Variants in CSMD1 observed in about 807,000 individuals in gnomAD.
The protein encoded by CSMD1 is CUB and sushi domain-containing protein 1.
Under a neutral mutation model 417.5 loss-of-function variants are expected in CSMD1, and 213 were observed. That is an observed-to-expected ratio of 0.51 (90% confidence interval 0.46 to 0.57). CSMD1 has a LOEUF of 0.57. Ranked by LOEUF, CSMD1 falls within the 20% of genes least tolerant of loss-of-function variation. The pLI is 0.00. For missense variants in CSMD1, 6,923 were observed against 4,529.7 expected (o/e 1.53, Z -15.17); for synonymous variants, 2,862 against 1,736.8 (o/e 1.65, Z -16.11).
At chr8:4,235,125 G>C (rs1801967683) in intron 3 of CSMD1, among the ~76,000 whole-genome samples, 1 of 151,934 alleles carries the variant, frequency 6.6e-6, no homozygotes, top group Non-Finnish European at 1.5e-5. Flanking sequence ...TTTAATCCTA[G>C]AAAAAAGACT....
intron 7 of CSMD1, among the ~76,000 whole-genome samples, chr8:3,621,266 CAT>C (rs775411003): frequency 4.6e-5 from 7 of 152,094 alleles, no homozygotes; most frequent in Non-Finnish European, 7.3e-5. Context: ...AAACCAAAGA[CAT>C]AGGTTGGCAG....
At chr8:4,869,495 A>G (rs553158122) in intron 1 of CSMD1, among the ~76,000 whole-genome samples, 17 of 152,246 alleles carry the variant, frequency 1.1e-4, no homozygotes, top group African/African-American at 3.6e-4. Context: ...TCAAAAGTTT[A>G]AACTCAAGGT....
At chr8:4,410,464 G>C (rs1334704124) in intron 3 of CSMD1, among the ~76,000 whole-genome samples, 3 of 152,146 alleles carry the variant, frequency 2.0e-5, no homozygotes, top group Admixed American at 6.6e-5. Flanking sequence ...GCCAATATTT[G>C]ATGGTGTTTA....
Position 4,177,008 on chromosome 8 carries a change from T to C in CSMD1, c.416-144909A>G, listed in dbSNP as rs1798084646. On this transcript the variant is annotated intron_variant, in intron 3 of 69. Coordinates refer to ENST00000635120, the MANE Select transcript of CSMD1 (RefSeq NM_033225.6). The stretch of plus-strand genomic sequence containing the variant: ...AGACTTTAACACCCCACTGTCAACA[T>C]TAGAAATATCAACGAGACAGAAAGT... 4.0e-5 allele frequency among the ~76,000 whole-genome samples: 6 copies of C among 151,872 alleles called. 1 individual carries two copies. In the South Asian group the frequency reaches 1.2e-3, roughly 32 times the overall value.
intron 5 of CSMD1, among the ~76,000 whole-genome samples, chr8:3,935,131 T>A (rs537542252): frequency 6.6e-6 from 1 of 152,196 alleles, no homozygotes; most frequent in East Asian, 1.9e-4. Flanking sequence ...TCTCTGTATG[T>A]CAGAAGTAAG....
chr8:4,515,988 T>C (rs1390881870), intron 2 of CSMD1, among the ~76,000 whole-genome samples: 6 of 152,116 alleles, frequency 3.9e-5, no homozygotes, highest in Admixed American at 6.6e-5. Context: ...CTGTTACCCA[T>C]TGATAAGATA....
chr8:3,738,226 T>C (rs1796622819), intron 6 of CSMD1, among the ~76,000 whole-genome samples: 1 of 152,236 alleles, frequency 6.6e-6, no homozygotes, highest in Non-Finnish European at 1.5e-5. Flanking sequence ...GTGAATTTTA[T>C]GCTACTTAAA....
chr8:3,833,432 T>A (rs1406307809), intron 5 of CSMD1, among the ~76,000 whole-genome samples: 2 of 152,152 alleles, frequency 1.3e-5, no homozygotes, highest in East Asian at 3.8e-4. Context: ...ATATTTTATA[T>A]CATAAATATG....
At chr8:4,787,443 T>C (rs1797464639) in intron 1 of CSMD1, 2 of 763,692 alleles carry the variant, frequency 2.6e-6, no homozygotes, top group Non-Finnish European at 4.7e-6. Context: ...GCAGGAAATG[T>C]AGCTAGAAAG....
chr8:4,757,230 G>T (rs1027025855), intron 1 of CSMD1, among the ~76,000 whole-genome samples: 3 of 152,142 alleles, frequency 2.0e-5, no homozygotes, highest in Non-Finnish European at 4.4e-5. Context: ...TCTCCTTAGA[G>T]AAAACAACTT....
chr8:4,396,010 T>A (rs543192970), intron 3 of CSMD1, among the ~76,000 whole-genome samples: 8 of 152,308 alleles, frequency 5.3e-5, no homozygotes, highest in Admixed American at 1.3e-4. Context: ...TGTTTTATAA[T>A]CATTTTGTTC....
intron 5 of CSMD1, among the ~76,000 whole-genome samples, chr8:3,816,204 A>G (rs1411492886): frequency 2.6e-5 from 4 of 152,136 alleles, no homozygotes; most frequent in Non-Finnish European, 5.9e-5. Context: ...GAGAATCACG[A>G]CTTTTCAGAC....
chr8:3,748,760 A>T (rs924403733), intron 6 of CSMD1, among the ~76,000 whole-genome samples: 1 of 152,210 alleles, frequency 6.6e-6, no homozygotes, highest in Non-Finnish European at 1.5e-5. Flanking sequence ...TAATAACATG[A>T]AAGTCTTCAT....
chr8:4,146,751 A>G (rs1296428661), intron 3 of CSMD1, among the ~76,000 whole-genome samples: 2 of 149,308 alleles, frequency 1.3e-5, no homozygotes, highest in African/African-American at 5.1e-5. Context: ...AGCTGGGACT[A>G]CAGGCGCCCG....
chr8:3,619,023 A>G (rs563902407), intron 7 of CSMD1, among the ~76,000 whole-genome samples: 2 of 152,304 alleles, frequency 1.3e-5, no homozygotes, highest in South Asian at 4.1e-4. Flanking sequence ...AAAGGCTGTG[A>G]CAAGCACTGC....
intron 4 of CSMD1, among the ~76,000 whole-genome samples, chr8:4,031,221 T>C (rs543804634): frequency 1.8e-4 from 27 of 152,268 alleles, no homozygotes; most frequent in African/African-American, 6.5e-4. Flanking sequence ...CAATCTATTG[T>C]ATTAGTTCAT....
At chr8:4,699,184 G>C (rs1021404361) in intron 1 of CSMD1, among the ~76,000 whole-genome samples, 4 of 152,156 alleles carry the variant, frequency 2.6e-5, no homozygotes, top group African/African-American at 9.7e-5. Flanking sequence ...ACCTCTCAAA[G>C]CCTGCTAAGT....
intron 2 of CSMD1, among the ~76,000 whole-genome samples, chr8:4,435,069 C>T (rs998592333): frequency 6.6e-5 from 10 of 151,738 alleles, no homozygotes; most frequent in Admixed American, 2.0e-4. Flanking sequence ...TGTAATATAT[C>T]GGTGTAATAA....
At chr8:3,017,251 G>A (rs1229118456) in intron 52 of CSMD1, among the ~76,000 whole-genome samples, 1 of 152,194 alleles carries the variant, frequency 6.6e-6, no homozygotes, top group Non-Finnish European at 1.5e-5. Context: ...CAAGCTCCAG[G>A]CAGAAGAGCT....
Sources: allele counts gnomAD v4.1 joint callset (sites outside exome capture counted in the v4.1 genomes callset), GRCh38; gene constraint gnomAD v4.1.1; transcripts MANE v1.5; gene names NCBI Gene and HGNC (gene_info 2026-07-23, HGNC 2026-07-21).